The following CACNG2 variants were observed in gnomAD, a reference collection of about 807,000 sequenced individuals.
CACNG2 encodes the protein calcium voltage-gated channel auxiliary subunit gamma 2.
Under a neutral mutation model 25.9 loss-of-function variants are expected in CACNG2, and 3 were observed. That is an observed-to-expected ratio of 0.12 (90% CI 0.05 to 0.30). The LOEUF is 0.30. CACNG2 is among the 10% of genes least tolerant of loss of function. The probability of loss-of-function intolerance (pLI) is 1.00; values close to 1 mark genes in which losing one functional copy is unlikely to be tolerated. For missense variants in CACNG2, 341 were observed against 432.5 expected (o/e 0.79, Z 1.88); for synonymous variants, 167 against 173.3 (o/e 0.96, Z 0.29).
intron 2 of CACNG2, among the ~76,000 whole-genome samples, chr22:36,570,762 CAAAA>C (rs11445356): frequency 3.1e-5 from 2 of 64,156 alleles, no homozygotes; most frequent in African/African-American, 5.1e-5. Flanking sequence ...GACTCCATCT[CAAAA>C]AAAAAAAAAA....
At chr22:36,685,549 G>A (rs1937184754) in intron 1 of CACNG2, among the ~76,000 whole-genome samples, 1 of 152,150 alleles carries the variant, frequency 6.6e-6, no homozygotes, top group African/African-American at 2.4e-5. Flanking sequence ...CTCTGGCCAT[G>A]TCCTGGTAAC....
chr22:36,584,024 T>C (rs367883112), intron 2 of CACNG2, among the ~76,000 whole-genome samples: 31 of 152,186 alleles, frequency 2.0e-4, no homozygotes, highest in African/African-American at 7.5e-4. Context: ...TCCCCAGAAA[T>C]CTTCTTACCT....
At chr22:36,590,452 G>C (rs151138015) in intron 1 of CACNG2, among the ~76,000 whole-genome samples, 5 of 152,284 alleles carry the variant, frequency 3.3e-5, no homozygotes, top group African/African-American at 1.2e-4. Flanking sequence ...GGGTTCCCTT[G>C]TGTAAGCCTG....
intron 1 of CACNG2, among the ~76,000 whole-genome samples, chr22:36,615,717 A>T (rs1046321926): frequency 9.9e-5 from 15 of 152,238 alleles, no homozygotes; most frequent in Non-Finnish European, 2.1e-4. Flanking sequence ...CTGTTGCAGC[A>T]CCAGAGTATA....
chr22:36,630,982 C>T (rs1039147842), intron 1 of CACNG2, among the ~76,000 whole-genome samples: 4 of 152,268 alleles, frequency 2.6e-5, no homozygotes, highest in African/African-American at 9.6e-5. Context: ...AGGTGCCTGC[C>T]ACCACACTTG....
chr22:36,602,835 C>T (rs937457198), intron 1 of CACNG2, among the ~76,000 whole-genome samples: 2 of 152,188 alleles, frequency 1.3e-5, no homozygotes, highest in Non-Finnish European at 2.9e-5. Flanking sequence ...GACTGTTCCA[C>T]CAGTTGGCCA....
At chr22:36,610,317 G>A (rs966985964) in intron 1 of CACNG2, among the ~76,000 whole-genome samples, 2 of 149,682 alleles carry the variant, frequency 1.3e-5, no homozygotes, top group Non-Finnish European at 3.0e-5. Context: ...TGATTGGGCA[G>A]GAATCAGCTC....
chr22:36,590,069 A>G (rs1373218778), intron 1 of CACNG2, among the ~76,000 whole-genome samples: 1 of 152,218 alleles, frequency 6.6e-6, no homozygotes, highest in Non-Finnish European at 1.5e-5. Context: ...AATTGAGGAC[A>G]GAGCTTCACC....
intron 1 of CACNG2, among the ~76,000 whole-genome samples, chr22:36,601,408 A>T (rs375622849): frequency 2.0e-5 from 3 of 152,226 alleles, no homozygotes; most frequent in African/African-American, 7.2e-5. Flanking sequence ...TTATTCATTC[A>T]TCCATTGATG....
intron 1 of CACNG2, among the ~76,000 whole-genome samples, chr22:36,594,145 C>T (rs1469085873): frequency 2.0e-5 from 3 of 152,190 alleles, no homozygotes; most frequent in Non-Finnish European, 4.4e-5. Flanking sequence ...CCATCTCTGA[C>T]TTTCCTCCCA....
chr22:36,586,966 T>C (rs1447803203), intron 2 of CACNG2, among the ~76,000 whole-genome samples: 1 of 152,092 alleles, frequency 6.6e-6, no homozygotes, highest in African/African-American at 2.4e-5. Context: ...TCTTTTTTTT[T>C]TTTTCATTAG....
intron 2 of CACNG2, among the ~76,000 whole-genome samples, chr22:36,581,804 T>C (rs997253383): frequency 6.6e-6 from 1 of 152,148 alleles, no homozygotes; most frequent in East Asian, 1.9e-4. Flanking sequence ...AAACTCACTA[T>C]CTCTGGCCAG....
intron 1 of CACNG2, among the ~76,000 whole-genome samples, chr22:36,602,539 C>G (rs752051061): frequency 1.3e-5 from 2 of 152,056 alleles, no homozygotes; most frequent in Non-Finnish European, 2.9e-5. Flanking sequence ...GCACCCGCCA[C>G]CACGCCCAGC....
chr22:36,681,511 T>C (rs949205993), intron 1 of CACNG2, among the ~76,000 whole-genome samples: 2 of 151,658 alleles, frequency 1.3e-5, no homozygotes, highest in Middle Eastern at 3.4e-3. Flanking sequence ...AATTTGAGCA[T>C]CAGCCTTTGG....
intron 1 of CACNG2, among the ~76,000 whole-genome samples, chr22:36,697,012 G>A (rs999696702): frequency 1.3e-5 from 2 of 152,198 alleles, no homozygotes; most frequent in Admixed American, 1.3e-4. Flanking sequence ...TGTGAGTTAC[G>A]TAGGATGTAA....
chr22:36,611,612 C>G (rs1935941135), intron 1 of CACNG2, among the ~76,000 whole-genome samples: 1 of 152,142 alleles, frequency 6.6e-6, no homozygotes, highest in South Asian at 2.1e-4. Context: ...TGTCCAAGCA[C>G]CCCGAAATGC....
intron 1 of CACNG2, among the ~76,000 whole-genome samples, chr22:36,617,094 A>G (rs552739446): frequency 6.6e-6 from 1 of 152,330 alleles, no homozygotes; most frequent in South Asian, 2.1e-4. Context: ...CTCCCAAGGC[A>G]TCCATGTTGA....
chr22:36,664,620 G>A lies in CACNG2; in HGVS notation c.211+37746C>T, dbSNP rs540142605. On this transcript the variant is annotated intron_variant, in intron 1 of 3. Coordinates refer to ENST00000300105, the MANE Select transcript of CACNG2 (RefSeq NM_006078.5). The stretch of plus-strand genomic sequence containing the variant: ...GGAATCTGAAGCTAGATTTGAGGCC[G>A]ACTGTCTTTCTACTCACTGCTCAAA... Among the ~76,000 whole-genome samples, 6 of 152,302 alleles carry A rather than the reference G, an allele frequency of 3.9e-5. No individual in the cohort carries two copies. In the South Asian group the frequency reaches 6.2e-4, roughly 16 times the overall value.
Position 36,691,257 on chromosome 22 carries a change from C to T in CACNG2, c.211+11109G>A, listed in dbSNP as rs78647921. Among the ~76,000 whole-genome samples the T allele has an allele frequency of 3.9e-3, 599 of 151,948 alleles. 4 individuals carry two copies. Among genetic ancestry groups the T allele is most frequent in the African/African-American group, 0.014 (578 of 41,420 alleles). ...GAGAGAGGTGACAACTTCACTAAGT[C>T]CTGGAGACAAAGTAGGATGTGGCTG... On this transcript the variant is annotated intron_variant, in intron 1 of 3. Transcript: ENST00000300105.
Sources: gnomAD v4.1 joint callset for allele counts (sites outside exome capture counted in the v4.1 genomes callset) on GRCh38, gnomAD v4.1.1 for gene constraint, MANE v1.5 for transcripts, NCBI Gene and HGNC (gene_info 2026-07-23, HGNC 2026-07-21) for gene names.